SLC26A5: variants seen among roughly 807,000 people sequenced by gnomAD.
SLC26A5 encodes the protein prestin.
A neutral mutation model predicts 81.0 loss-of-function variants in SLC26A5; 51 were observed. The observed-to-expected ratio is 0.63, with a 90% CI of 0.50 to 0.80. The LOEUF (loss-of-function observed/expected upper bound fraction) is 0.80. Ranked by LOEUF, SLC26A5 falls within the 30% of genes least tolerant of loss-of-function variation. The probability of loss-of-function intolerance (pLI) is 0.00; values close to 1 mark genes in which losing one functional copy is unlikely to be tolerated. For synonymous variants in SLC26A5, 325 were observed against 332.8 expected (o/e 0.98, Z 0.25); for missense variants, 771 against 905.8 (o/e 0.85, Z 1.91).
chr7:103,390,213 G>A (rs1365214911), intron 12 of SLC26A5, among the ~76,000 whole-genome samples: 3 of 152,268 alleles, frequency 2.0e-5, no homozygotes, highest in Admixed American at 6.5e-5. Flanking sequence ...TAAGGAAACC[G>A]AGACTCAGAG....
intron 8 of SLC26A5, among the ~76,000 whole-genome samples, chr7:103,403,827 C>G (rs970403392): frequency 6.6e-6 from 1 of 151,388 alleles, no homozygotes; most frequent in Non-Finnish European, 1.5e-5. Flanking sequence ...GACTCTTTAT[C>G]TAATTTGCCA....
intron 1 of SLC26A5, chr7:103,445,634 C>T (rs1429724049): frequency 1.3e-5 from 2 of 152,214 alleles, no homozygotes; most frequent in Non-Finnish European, 2.9e-5. Context: ...CTCCGGGCGG[C>T]CAATGCCGGG....
chr7:103,369,768 T>C (rs1820924334), downstream of SLC26A5, among the ~76,000 whole-genome samples: 1 of 152,218 alleles, frequency 6.6e-6, no homozygotes, highest in African/African-American at 2.4e-5. Flanking sequence ...TAAGTTAGAA[T>C]ACAAAGGATT....
chr7:103,401,486 T>C (rs1823587134), intron 8 of SLC26A5, among the ~76,000 whole-genome samples: 1 of 152,216 alleles, frequency 6.6e-6, no homozygotes, highest in Admixed American at 6.5e-5. Flanking sequence ...TTTTTCTAAA[T>C]ATAAAATAAT....
At chr7:103,377,010 C>T in intron 18 of SLC26A5, 148 bp from the exon 19 acceptor site, 1 of 598,802 alleles carries the variant, frequency 1.7e-6, no homozygotes, top group Non-Finnish European at 3.0e-6. Context: ...TTGAGCTAAT[C>T]AGTTAAAAAT....
rs56305143 is a variant in SLC26A5 at position 103,411,334 on chromosome 7, G to C, written c.570+86C>G. ...GTTTTTCTGGCTGACCCCATCCACC[G>C]TGTAGTAAGACCAGCCAAGAGCACT... On this transcript the variant is annotated intron_variant, in intron 6 of 19. Transcript: ENST00000306312. The C allele has an allele frequency of 2.0e-6, 3 of 1,523,102 alleles. No homozygotes were observed. In the African/African-American group the frequency reaches 4.1e-5, roughly 21 times the overall value. The allele number at this position is 1,523,102 out of a possible 1,614,324, so 94.3% of individuals were successfully genotyped here.
chr7:103,429,823 TTGAG>T (rs1337966379), intron 2 of SLC26A5, among the ~76,000 whole-genome samples: 1 of 152,240 alleles, frequency 6.6e-6, no homozygotes, highest in Non-Finnish European at 1.5e-5. Flanking sequence ...CTGAATGATC[TTGAG>T]TGAGTGGCAG....
chr7:103,380,630 G>C, intron 14 of SLC26A5, 81 bp from the exon 15 acceptor site: 1 of 1,333,332 alleles, frequency 7.5e-7, no homozygotes, highest in Non-Finnish European at 1.1e-6. Context: ...GTTTATGTCA[G>C]GTTGGGGTTT....
intron 16 of SLC26A5, among the ~76,000 whole-genome samples, chr7:103,378,937 A>C (rs1821566865): frequency 6.6e-6 from 1 of 152,152 alleles, no homozygotes; most frequent in Non-Finnish European, 1.5e-5. Flanking sequence ...AAGAATAAGA[A>C]ACCTAAAATT....
intron 19 of SLC26A5, among the ~76,000 whole-genome samples, chr7:103,375,871 T>C (rs1297984016): frequency 1.1e-4 from 16 of 152,114 alleles, no homozygotes; most frequent in Non-Finnish European, 1.3e-4. Context: ...TTCTCCTGCC[T>C]CAGCCTTCCG....
intron 2 of SLC26A5, among the ~76,000 whole-genome samples, chr7:103,436,799 T>C (rs1826483864): frequency 6.6e-6 from 1 of 152,204 alleles, no homozygotes; most frequent in African/African-American, 2.4e-5. Context: ...CAACTCAAAA[T>C]GGATTAAAGA....
chr7:103,426,674 G>A (rs1233345922), intron 2 of SLC26A5, among the ~76,000 whole-genome samples: 1 of 152,166 alleles, frequency 6.6e-6, no homozygotes, highest in African/African-American at 2.4e-5. Context: ...AGAAGATGTT[G>A]TAATGAAAGG....
chr7:103,361,510 CAAAAAAAA>C (rs759044767), intron 19 of SLC26A5, among the ~76,000 whole-genome samples: 14 of 51,102 alleles, frequency 2.7e-4, no homozygotes, highest in African/African-American at 7.1e-4. Context: ...AACTCCATCT[CAAAAAAAA>C]AAAAAAAAAA....
chr7:103,369,648 CAA>C (rs374995911), downstream of SLC26A5, among the ~76,000 whole-genome samples: 72 of 152,172 alleles, frequency 4.7e-4, no homozygotes, highest in African/African-American at 1.6e-3. Flanking sequence ...TGTTTGTACT[CAA>C]AGAGATGAAA....
chr7:103,390,285 T>G (rs1040896698), intron 12 of SLC26A5, 144 bp downstream of exon 12: 1 of 786,418 alleles, frequency 1.3e-6, no homozygotes. Flanking sequence ...GAGCAGGATC[T>G]TGGTCCTAGC....
intron 4 of SLC26A5, among the ~76,000 whole-genome samples, chr7:103,417,368 CA>C (rs527355678): frequency 0.15 from 9,918 of 65,730 alleles, 287 homozygotes; most frequent in East Asian, 0.23. Flanking sequence ...GACTCTGTCT[CA>C]AAAAAAAAAA....
intron 19 of SLC26A5, among the ~76,000 whole-genome samples, chr7:103,361,380 C>T (rs1820392813): frequency 6.7e-6 from 1 of 149,400 alleles, no homozygotes; most frequent in South Asian, 2.1e-4. Flanking sequence ...CATGGTGGTG[C>T]ATGCCTGTAA....
At chr7:103,357,261 G>T (rs1037549484) in intron 19 of SLC26A5, among the ~76,000 whole-genome samples, 1 of 151,714 alleles carries the variant, frequency 6.6e-6, no homozygotes, top group African/African-American at 2.4e-5. Context: ...GGGAGGCAGA[G>T]GTTGCAGTAA....
chr7:103,403,234 C>T (rs1330616416), intron 8 of SLC26A5, among the ~76,000 whole-genome samples: 2 of 152,136 alleles, frequency 1.3e-5, no homozygotes, highest in Non-Finnish European at 2.9e-5. Context: ...TGTGGTCTGA[C>T]AGACTGTTTG....
Sources: allele counts gnomAD v4.1 joint callset (sites outside exome capture counted in the v4.1 genomes callset), GRCh38; gene constraint gnomAD v4.1.1; transcripts MANE v1.5; gene names NCBI Gene and HGNC (gene_info 2026-07-23, HGNC 2026-07-21).